The following PCDH15 variants were observed in gnomAD, a reference collection of about 807,000 sequenced individuals.
PCDH15 encodes protocadherin-15.
In PCDH15, 129 loss-of-function variants were observed where a neutral mutation model predicts 178.5. The ratio of observed to expected loss-of-function variants is 0.72; its 90% CI spans 0.63 to 0.84. The LOEUF (loss-of-function observed/expected upper bound fraction) is 0.84, where lower values mean the gene tolerates loss of function less well. PCDH15 is among the 40% of genes least tolerant of loss of function. The pLI is 0.00. For missense variants in PCDH15, 2,230 were observed against 2,099.9 expected, an observed-to-expected ratio of 1.06 and a Z score of -1.21; for synonymous variants, 800 against 732.0, an observed-to-expected ratio of 1.09 and a Z score of -1.50.
chr10:55,363,998 C>T (rs1283477133), intron 2 of PCDH15, among the ~76,000 whole-genome samples: 1 of 152,024 alleles, frequency 6.6e-6, no homozygotes, highest in Non-Finnish European at 1.5e-5. Flanking sequence ...CATATGTCAA[C>T]GGAGAGATCA....
At chr10:55,195,308 C>T (rs1262623550) in intron 1 of PCDH15, among the ~76,000 whole-genome samples, 2 of 151,656 alleles carry the variant, frequency 1.3e-5, no homozygotes, top group Admixed American at 6.6e-5. Context: ...CAGGCATGAG[C>T]CACTGCGCCC....
chr10:55,171,564 T>C (rs950165187), intron 1 of PCDH15, among the ~76,000 whole-genome samples: 1 of 151,952 alleles, frequency 6.6e-6, no homozygotes, highest in Non-Finnish European at 1.5e-5. Flanking sequence ...AAAAGAAAAA[T>C]GGAAAGAAAT....
rs147679254 is a variant in PCDH15 at position 54,531,462 on chromosome 10, T to C, written c.92-3585A>G. On this transcript the variant is annotated intron_variant, in intron 2 of 37. Transcript: ENST00000644397. ...GACAAATAATGACTGATCTCACAGA[T>C]ACTAAGCCTGTGATACTCTGTTGTC... Among the ~76,000 whole-genome samples the C allele has an allele frequency of 3.6e-4, 55 of 152,272 alleles. No individual in the cohort carries two copies. In the East Asian group the frequency reaches 0.01, roughly 28 times the overall value.
At chr10:54,138,006 G>T (rs2043044839) in intron 14 of PCDH15, among the ~76,000 whole-genome samples, 1 of 152,208 alleles carries the variant, frequency 6.6e-6, no homozygotes, top group Non-Finnish European at 1.5e-5. Flanking sequence ...CTACATTCCT[G>T]ATTGTCTAGT....
rs576849615 is a variant in PCDH15, at chr10:54,473,805, A to G, written c.157+54007T>C. 8.5e-5 allele frequency among the ~76,000 whole-genome samples: 13 copies of G among 152,070 alleles called. No homozygotes were observed. In the East Asian group the frequency reaches 2.5e-3, roughly 29 times the overall value. On this transcript the variant is annotated intron_variant, in intron 3 of 37. Coordinates refer to ENST00000644397, the MANE Select transcript of PCDH15 (RefSeq NM_001384140.1). ...ATTATAAAAATGTGCCAATAAATTTAAAGAAAATTTATAAACATAGGAATT... is the reference window on the plus strand; with the variant it reads ...ATTATAAAAATGTGCCAATAAATTTGAAGAAAATTTATAAACATAGGAATT...
intron 20 of PCDH15, among the ~76,000 whole-genome samples, chr10:53,997,651 C>A (rs746421654): frequency 1.3e-5 from 2 of 152,146 alleles, no homozygotes; most frequent in Admixed American, 6.5e-5. Flanking sequence ...GTCAACACAG[C>A]TGTTCACAGT....
At chr10:53,887,167 T>C (rs568671052) in intron 26 of PCDH15, among the ~76,000 whole-genome samples, 2 of 152,310 alleles carry the variant, frequency 1.3e-5, no homozygotes, top group East Asian at 3.9e-4. Context: ...ACCTAAGGTA[T>C]TTGATTACTG....
At chr10:53,946,106 A>T (rs567582991) in intron 23 of PCDH15, among the ~76,000 whole-genome samples, 1 of 152,234 alleles carries the variant, frequency 6.6e-6, no homozygotes, top group African/African-American at 2.4e-5. Context: ...CAGAAAAATA[A>T]AAGTTAAATC....
chr10:55,520,197 CACGCA>C (rs1841131676), intron 2 of PCDH15, among the ~76,000 whole-genome samples: 2 of 54,310 alleles, frequency 3.7e-5, no homozygotes. Context: ...TATATATATA[CACGCA>C]ATGTGTATAT....
At chr10:55,260,176 T>C (rs945993440) in intron 1 of PCDH15, among the ~76,000 whole-genome samples, 7 of 151,876 alleles carry the variant, frequency 4.6e-5, no homozygotes, top group Admixed American at 4.6e-4. Flanking sequence ...GTTTAATTGT[T>C]TATCCATTAT....
chr10:55,127,183 GCCA>G (rs1273361609), intron 2 of PCDH15, among the ~76,000 whole-genome samples: 1 of 152,070 alleles, frequency 6.6e-6, no homozygotes, highest in East Asian at 1.9e-4. Context: ...TAACTTGGAT[GCCA>G]CCATTAAATA....
At chr10:55,532,188 T>C (rs1394880791) in intron 2 of PCDH15, among the ~76,000 whole-genome samples, 1 of 152,006 alleles carries the variant, frequency 6.6e-6, no homozygotes, top group Non-Finnish European at 1.5e-5. Context: ...ACACAGGACA[T>C]AGCATATTGG....
chr10:53,880,904 AACAGTGTCTGTCC>A (rs1451916616), intron 26 of PCDH15, among the ~76,000 whole-genome samples: 1 of 152,042 alleles, frequency 6.6e-6, no homozygotes, highest in Non-Finnish European at 1.5e-5. Flanking sequence ...CCCTCAAAAA[AACAGTGTCTGTCC>A]TCAGTGTCCT....
At chr10:54,773,256 T>C (rs1431829511) in intron 1 of PCDH15, among the ~76,000 whole-genome samples, 3 of 152,128 alleles carry the variant, frequency 2.0e-5, no homozygotes, top group Non-Finnish European at 4.4e-5. Flanking sequence ...ACTTAAAAGC[T>C]GAAGACTTTT....
At chr10:53,815,138 T>C (rs2076016344) in intron 35 of PCDH15, among the ~76,000 whole-genome samples, 1 of 152,162 alleles carries the variant, frequency 6.6e-6, no homozygotes, top group African/African-American at 2.4e-5. Flanking sequence ...AGTAACACAC[T>C]AGTGATTTTC....
chr10:55,199,361 T>A (rs1358292553), intron 1 of PCDH15, among the ~76,000 whole-genome samples: 1 of 152,036 alleles, frequency 6.6e-6, no homozygotes, highest in Admixed American at 6.5e-5. Context: ...TTAAGAGAGA[T>A]GATTTAGGGT....
intron 2 of PCDH15, among the ~76,000 whole-genome samples, chr10:54,610,313 A>C (rs1319579927): frequency 6.6e-6 from 1 of 151,884 alleles, no homozygotes; most frequent in African/African-American, 2.4e-5. Context: ...GAATCTCACA[A>C]ATATTTTCTT....
Position 54,091,301 on chromosome 10 carries a change from G to A in PCDH15, c.1918-1238C>T, listed in dbSNP as rs1001323506. ...TTATTTTTAGGTGACTAGCCTGGCA[G>A]AAACACCAGCCTCTCCACAGACAGG... is the stretch of plus-strand genomic sequence containing the variant. On this transcript the variant is annotated intron_variant, in intron 15 of 37. Coordinates refer to ENST00000644397, the MANE Select transcript of PCDH15 (RefSeq NM_001384140.1). Among the ~76,000 whole-genome samples the A allele has an allele frequency of 5.3e-4, 80 of 152,082 alleles. 1 individual carries two copies. The highest frequency in any genetic ancestry group is 2.5e-4 in the Non-Finnish European group (17 of 68,028).
chr10:54,571,294 G>T (rs1319547117), intron 2 of PCDH15, among the ~76,000 whole-genome samples: 2 of 142,360 alleles, frequency 1.4e-5, no homozygotes, highest in Admixed American at 1.5e-4. Flanking sequence ...CCACCCTCTT[G>T]CTCTGAGGTG....
Sources: allele counts gnomAD v4.1 joint callset (sites outside exome capture counted in the v4.1 genomes callset), GRCh38; gene constraint gnomAD v4.1.1; transcripts MANE v1.5; gene names NCBI Gene and HGNC (gene_info 2026-07-23, HGNC 2026-07-21).